The following DYRK4 variants were observed in gnomAD, a reference collection of about 807,000 sequenced individuals.
DYRK4 encodes dual specificity tyrosine-phosphorylation-regulated kinase 4.
A neutral mutation model predicts 68.3 loss-of-function variants in DYRK4; 64 were observed. That is an observed-to-expected ratio of 0.94 (90% CI 0.77 to 1.15). The LOEUF (loss-of-function observed/expected upper bound fraction) is 1.15. Ranked by LOEUF, DYRK4 falls within the 50% of genes most tolerant of loss-of-function variation. DYRK4 has a pLI of 0.00. For missense variants in DYRK4, 740 were observed against 764.7 expected (o/e 0.97, Z 0.38); for synonymous variants, 274 against 289.9 (o/e 0.95, Z 0.56).
In DYRK4 at chr12:4,613,721, A is replaced by G; in HGVS notation, c.1873A>G (p.Lys625Glu). The G allele has an allele frequency of 1.3e-6, 2 of 1,579,882 alleles. 1 individual carries two copies. The highest frequency in any genetic ancestry group is 2.3e-5 in the South Asian group (2 of 88,440). Reference sequence around the variant, plus strand: ...AGGACAGAGCAAAAACTTCTCCCTCAAGAACACAAACGTTTTACCCCCTAT... The same window carrying G: ...AGGACAGAGCAAAAACTTCTCCCTCGAGAACACAAACGTTTTACCCCCTAT... The part of the protein sequence containing the change: ...SPGQSKNFSL[K>E]NTNVLPPIV Residue 625 changes from lysine (K) to glutamate (E), a missense_variant, in exon 15 of 15, where the codon AAG becomes GAG. Lys to Glu is a moderately conservative substitution (Grantham distance 56). Coordinates refer to ENST00000543431, the MANE Select transcript of DYRK4 (RefSeq NM_001394779.1). The surrounding 1 kb of genome is among the most constrained non-coding windows in gnomAD (Gnocchi z 4.0).
chr12:4,582,775 C>T (rs564641087), intron 2 of DYRK4, among the ~76,000 whole-genome samples: 14 of 152,144 alleles, frequency 9.2e-5, no homozygotes, highest in South Asian at 4.2e-4. Flanking sequence ...TGGAACAGTG[C>T]GGTGTTTGAA....
At chr12:4,574,891 T>C (rs1271812101) in intron 2 of DYRK4, among the ~76,000 whole-genome samples, 1 of 152,212 alleles carries the variant, frequency 6.6e-6, no homozygotes, top group Non-Finnish European at 1.5e-5. Context: ...CTAATTTGTG[T>C]ATTTTTAGTA....
chr12:4,574,425 AT>A (rs35335320), intron 2 of DYRK4, among the ~76,000 whole-genome samples: 2,513 of 152,240 alleles, frequency 0.017, 30 homozygotes, highest in South Asian at 0.028. Flanking sequence ...AAAAATATAT[AT>A]GGAATCATAC....
intron 4 of DYRK4, 156 bp downstream of exon 4, chr12:4,590,596 G>A: frequency 7.4e-7 from 1 of 1,358,142 alleles, no homozygotes; most frequent in Non-Finnish European, 9.4e-7. Flanking sequence ...ATGACTATAA[G>A]CTTGAGCAAA....
At chr12:4,605,536 C>T (rs1945134953) in intron 11 of DYRK4, among the ~76,000 whole-genome samples, 1 of 151,856 alleles carries the variant, frequency 6.6e-6, no homozygotes, top group South Asian at 2.1e-4. Context: ...ATTTAATATA[C>T]GTTTATGTTT....
intron 12 of DYRK4, among the ~76,000 whole-genome samples, chr12:4,609,522 C>T (rs1237005909): frequency 6.6e-6 from 1 of 152,170 alleles, no homozygotes; most frequent in African/African-American, 2.4e-5. Context: ...CCCTAATTAG[C>T]AGCAAAATGG....
At chr12:4,586,891 A>G (rs1209835048) in intron 2 of DYRK4, among the ~76,000 whole-genome samples, 1 of 152,172 alleles carries the variant, frequency 6.6e-6, no homozygotes, top group East Asian at 1.9e-4. Context: ...TACACATATT[A>G]ACTCCCTTAA....
At chr12:4,611,322 A>G (rs1416767469) in intron 13 of DYRK4, among the ~76,000 whole-genome samples, 1 of 152,204 alleles carries the variant, frequency 6.6e-6, no homozygotes, top group Non-Finnish European at 1.5e-5. Context: ...ACCTTAACAA[A>G]TGACAGAAAC....
chr12:4,600,232 T>A (rs1945065775), intron 10 of DYRK4, among the ~76,000 whole-genome samples: 1 of 152,104 alleles, frequency 6.6e-6, no homozygotes, highest in African/African-American at 2.4e-5. Flanking sequence ...AAAGTAGCTC[T>A]GGAGTACATT....
chr12:4,572,305 A>G (rs1474952338), intron 2 of DYRK4, among the ~76,000 whole-genome samples: 1 of 152,118 alleles, frequency 6.6e-6, no homozygotes, highest in Non-Finnish European at 1.5e-5. Flanking sequence ...TGTTTGTGAC[A>G]GAGTCTGGCT....
At chr12:4,567,108 T>C (rs531249689) in intron 1 of DYRK4, among the ~76,000 whole-genome samples, 35 of 152,366 alleles carry the variant, frequency 2.3e-4, no homozygotes, top group Non-Finnish European at 3.7e-4. Flanking sequence ...GATTTTTCAA[T>C]AGTTATACTG....
intron 3 of DYRK4, among the ~76,000 whole-genome samples, chr12:4,589,830 G>C (rs1944933297): frequency 6.6e-6 from 1 of 152,130 alleles, no homozygotes; most frequent in Admixed American, 6.6e-5. Context: ...CAAGTGAGTA[G>C]GTCAAGTCAA....
At chr12:4,564,513 A>G (rs536421445) in intron 1 of DYRK4, 1 of 152,006 alleles carries the variant, frequency 6.6e-6, no homozygotes, top group Non-Finnish European at 1.5e-5. Flanking sequence ...ATCTCAAAAG[A>G]CTTGTTTCCT....
intron 6 of DYRK4, among the ~76,000 whole-genome samples, chr12:4,595,377 C>T (rs1296278900): frequency 2.6e-5 from 4 of 152,226 alleles, no homozygotes; most frequent in East Asian, 3.8e-4. Flanking sequence ...GAGATAATCT[C>T]ATCCAGCATC....
At chr12:4,579,822 T>A (rs1944823589) in intron 2 of DYRK4, among the ~76,000 whole-genome samples, 1 of 152,236 alleles carries the variant, frequency 6.6e-6, no homozygotes, top group Admixed American at 6.5e-5. Context: ...TTACTTTTAA[T>A]TAGCGACCTT....
intron 11 of DYRK4, among the ~76,000 whole-genome samples, chr12:4,606,676 G>C (rs1945155704): frequency 6.6e-6 from 1 of 152,122 alleles, no homozygotes; most frequent in Non-Finnish European, 1.5e-5. Flanking sequence ...CAAAGAGAAC[G>C]GGGCCTATGT....
chr12:4,569,182 C>T (rs1461752809), intron 2 of DYRK4, among the ~76,000 whole-genome samples: 1 of 152,182 alleles, frequency 6.6e-6, no homozygotes, highest in Non-Finnish European at 1.5e-5. Flanking sequence ...CCCCACTACC[C>T]GTGCCACTAC....
chr12:4,600,114 T>C (rs1945064548), intron 10 of DYRK4, among the ~76,000 whole-genome samples: 1 of 152,224 alleles, frequency 6.6e-6, no homozygotes, highest in African/African-American at 2.4e-5. Flanking sequence ...TTCAAATTTC[T>C]GGGAAGTAGC....
intron 2 of DYRK4, chr12:4,580,723 G>A (rs1565534539): frequency 2.3e-6 from 1 of 426,050 alleles, no homozygotes. Flanking sequence ...GACAGAGCCT[G>A]TAAGGAAGAA....
Sources: allele counts gnomAD v4.1 joint callset (sites outside exome capture counted in the v4.1 genomes callset), GRCh38; gene constraint gnomAD v4.1.1; non-coding constraint Gnocchi (gnomAD v3.1); transcripts MANE v1.5; gene names NCBI Gene and HGNC (gene_info 2026-07-23, HGNC 2026-07-21).